The following RS1 variants were observed in gnomAD, a reference collection of about 807,000 sequenced individuals.
The protein encoded by RS1 is retinoschisin 1.
Under a neutral mutation model 20.8 loss-of-function variants are expected in RS1, and 2 were observed. That is an observed-to-expected ratio of 0.10 (90% CI 0.04 to 0.30). The LOEUF is 0.30. Ranked by LOEUF, RS1 falls within the 10% of genes least tolerant of loss-of-function variation. The pLI is 1.00. For missense variants in RS1, 151 were observed against 189.8 expected, an observed-to-expected ratio of 0.80 and a Z score of 1.20; for synonymous variants, 70 against 75.8, an observed-to-expected ratio of 0.92 and a Z score of 0.40.
intron 1 of RS1, among the ~76,000 whole-genome samples, chrX:18,665,054 C>T (rs755954578): frequency 8.9e-6 from 1 of 112,013 alleles, no homozygotes; most frequent in Non-Finnish European, 1.9e-5. Flanking sequence ...GTGGCTTCGC[C>T]ATCCATCTAC....
intron 3 of RS1, among the ~76,000 whole-genome samples, chrX:18,655,961 A>ATTTCT (rs1164105076): frequency 2.2e-5 from 2 of 90,776 alleles, no homozygotes; most frequent in South Asian, 5.3e-4. Context: ...CCTAGCATTA[A>ATTTCT]TTTCTTTTCT....
At chrX:18,649,977 CCCG>C (rs772202551) in intron 3 of RS1, 120 of 188,504 alleles carry the variant, frequency 6.4e-4, no homozygotes, top group African/African-American at 1.7e-3. Flanking sequence ...TCCACCCCCA[CCCG>C]CCGCCGCCGC....
intron 3 of RS1, chrX:18,650,290 A>T: frequency 3.1e-6 from 2 of 635,683 alleles, no homozygotes; most frequent in Non-Finnish European, 5.2e-6. Flanking sequence ...TGGATGCTGT[A>T]CTTACTCCCC....
intron 1 of RS1, among the ~76,000 whole-genome samples, chrX:18,670,988 T>A (rs1053592584): frequency 2.7e-5 from 3 of 111,832 alleles, no homozygotes; most frequent in African/African-American, 9.8e-5. Flanking sequence ...TGAAAACCCC[T>A]CTCTACAAGA....
Position 18,669,167 on chromosome X carries a change from T to G in RS1, c.52+2850A>C, listed in dbSNP as rs1461302469. ...TTGGCATTGAATCCAATATGTGCGG[T>G]GTAAGAGAAATAGAAGCCTGACTCA... On this transcript the variant is annotated intron_variant, in intron 1 of 5. Transcript: ENST00000379984. Among the ~76,000 whole-genome samples the G allele has an allele frequency of 2.7e-5, 3 of 110,434 alleles. No individual in the cohort carries two copies. The Admixed American group carries it at 2.9e-4, about 11-fold the overall frequency.
intron 1 of RS1, among the ~76,000 whole-genome samples, chrX:18,670,968 G>A (rs1469691258): frequency 1.8e-5 from 2 of 111,822 alleles, no homozygotes; most frequent in Non-Finnish European, 3.8e-5. Flanking sequence ...CATCAGCCTG[G>A]GAAACATGGT....
rs1482719423 is a variant in RS1, at chrX:18,668,673, A to G, written c.52+3344T>C. On this transcript the variant is annotated intron_variant, in intron 1 of 5. Transcript: ENST00000379984. ...AGGCATATTCATGGGTAAATCTGTT[A>G]TCTGCACATGCTTCAAACACAGATG... 2.7e-5 allele frequency among the ~76,000 whole-genome samples: 3 copies of G among 112,947 alleles called. No individual in the cohort carries two copies. In the Admixed American group the frequency reaches 2.8e-4, roughly 11 times the overall value.
At chrX:18,671,903 G>T (rs1014702159) in intron 1 of RS1, 114 bp downstream of exon 1, 1 of 658,911 alleles carries the variant, frequency 1.5e-6, no homozygotes, top group African/African-American at 2.2e-5. Flanking sequence ...GTTAATTAAC[G>T]TGTTGCTAAT....
At chrX:18,647,155 A>G in intron 4 of RS1, 36 bp downstream of exon 4, 2 of 1,206,070 alleles carry the variant, frequency 1.7e-6, no homozygotes, top group Non-Finnish European at 2.2e-6. Context: ...TTTTTTTTTA[A>G]AAGCACATGA....
In RS1 at chrX:18,641,097, G is replaced by A. The variant is rs1368220596; in HGVS notation, c.*907C>T. 3.6e-5 allele frequency: 4 copies of A among 112,652 alleles called. No homozygotes were observed. In the Admixed American group the frequency reaches 3.7e-4, roughly 11 times the overall value. The allele number at this position is 112,652 out of a possible 1,213,427, so 9.3% of individuals were successfully genotyped here. A position where few individuals can be genotyped will look rare whatever the true frequency, so the allele number is the denominator to read the frequency against. The stretch of plus-strand genomic sequence containing the variant: ...TAGCCAGCTAATGAGCCTCCTCTGA[G>A]TAGCCAGTGGTAGCTCCTGGGCCAG... On this transcript the variant is annotated 3_prime_UTR_variant, in exon 6 of 6. Transcript: ENST00000379984.
chrX:18,665,193 C>A (rs1162146532), intron 1 of RS1, among the ~76,000 whole-genome samples: 1 of 111,907 alleles, frequency 8.9e-6, no homozygotes, highest in African/African-American at 3.2e-5. Context: ...CTCCCAGGTA[C>A]TCTACCTGCT....
chrX:18,667,852 G>A (rs982876308), intron 1 of RS1, among the ~76,000 whole-genome samples: 9 of 111,735 alleles, frequency 8.1e-5, no homozygotes, highest in African/African-American at 2.6e-4. Flanking sequence ...GGGGTTCTGA[G>A]GTACCATATC....
Position 18,644,563 on chromosome X carries a change from A to T in RS1, c.389T>A (p.Ile130Asn). 1 of 1,211,008 alleles carries T rather than the reference A, an allele frequency of 8.3e-7. No individual in the cohort carries two copies. The highest frequency in any genetic ancestry group is 1.1e-6 in the Non-Finnish European group (1 of 895,204). Reference protein sequence around the residue: ...SQWLQIDLKEIKVISGILTQG... With the variant: ...SQWLQIDLKENKVISGILTQG... ...GGTGAGGATCCCTGAAATCACTTTG[A>T]TCTCCTTCAGATCTATCTGTAACCA... is the stretch of plus-strand genomic sequence containing the variant. Residue 130 changes from isoleucine (I) to asparagine (N), a missense_variant, in exon 5 of 6, where the codon ATC becomes AAC. Ile to Asn is a moderately radical substitution (Grantham distance 149). Coordinates refer to ENST00000379984, the MANE Select transcript of RS1 (RefSeq NM_000330.4).
intron 4 of RS1, chrX:18,645,949 G>A: frequency 1.2e-5 from 15 of 1,208,229 alleles, no homozygotes; most frequent in Non-Finnish European, 1.7e-5. Flanking sequence ...ATATGTTTGT[G>A]TTCTTAAAGG....
Position 18,640,420 on chromosome X carries a change from G to A in RS1, c.*1584C>T, listed in dbSNP as rs1317650952. The A allele has an allele frequency of 3.1e-5, 3 of 96,031 alleles. No homozygotes were observed. In the East Asian group the frequency reaches 1.1e-3, roughly 36 times the overall value. 7.9% of individuals were successfully genotyped at this position (96,031 alleles called of 1,213,427 possible). A position where few individuals can be genotyped will look rare whatever the true frequency, so the allele number is the denominator to read the frequency against. The stretch of plus-strand genomic sequence containing the variant: ...GATTTGTCCTGTGTCCTAAGGCCAG[G>A]GATAAGTCCCCCCACCCCCCCCCCC... On this transcript the variant is annotated 3_prime_UTR_variant, in exon 6 of 6. Transcript: ENST00000379984.
intron 1 of RS1, among the ~76,000 whole-genome samples, chrX:18,661,772 C>A (rs1419674018): frequency 1.8e-5 from 2 of 112,117 alleles, no homozygotes; most frequent in Non-Finnish European, 3.8e-5. Flanking sequence ...TGCGCTCTTC[C>A]GCCGGCGCAC....
At position 18,650,592 on chromosome X, in the gene RS1, G is replaced by T. The variant is rs866859766; in HGVS notation, c.185-3260C>A. ...TTTCAGCTGCCCAACCCAGCAATCC[G>T]GTAAGCAGAGACTCTAGACCGGTGG... On this transcript the variant is annotated intron_variant, in intron 3 of 5. Transcript: ENST00000379984. The T allele has an allele frequency of 8.3e-6, 10 of 1,210,071 alleles. No homozygotes were observed. The highest frequency in any genetic ancestry group is 1.7e-5 in the African/African-American group (1 of 57,394).
At chrX:18,656,607 G>A in intron 3 of RS1, 46 bp downstream of exon 3, 1 of 984,180 alleles carries the variant, frequency 1.0e-6, no homozygotes, top group Non-Finnish European at 1.5e-6. Context: ...AAGAGAAATG[G>A]GGTGTTCCCA....
intron 1 of RS1, among the ~76,000 whole-genome samples, chrX:18,661,143 G>C (rs4825231): frequency 9.0e-6 from 1 of 110,898 alleles, no homozygotes; most frequent in African/African-American, 3.3e-5. Context: ...TTGAAACCCA[G>C]TCACCAATGT....
Sources: allele counts gnomAD v4.1 joint callset (sites outside exome capture counted in the v4.1 genomes callset), GRCh38; gene constraint gnomAD v4.1.1; transcripts MANE v1.5; gene names NCBI Gene and HGNC (gene_info 2026-07-23, HGNC 2026-07-21).